RIMBP2: variants seen among roughly 807,000 people sequenced by gnomAD.
The protein encoded by RIMBP2 is RIMS-binding protein 2.
A neutral mutation model predicts 118.6 loss-of-function variants in RIMBP2; 48 were observed. That is an observed-to-expected ratio of 0.40 (90% CI 0.32 to 0.51). RIMBP2 has a LOEUF of 0.51. RIMBP2 is among the 20% of genes least tolerant of loss of function. RIMBP2 has a pLI of 0.41. For missense variants in RIMBP2, 1,551 were observed against 1,768.3 expected (o/e 0.88, Z 2.20); for synonymous variants, 762 against 742.9 (o/e 1.03, Z -0.42).
intron 4 of RIMBP2, among the ~76,000 whole-genome samples, chr12:130,493,479 T>C (rs991514856): frequency 3.9e-5 from 6 of 152,010 alleles, no homozygotes; most frequent in Admixed American, 3.9e-4. Context: ...CACGCCTGGT[T>C]AATTTTTGTA....
intron 2 of RIMBP2, among the ~76,000 whole-genome samples, chr12:130,627,836 T>C (rs1014167203): frequency 6.6e-6 from 1 of 152,222 alleles, no homozygotes; most frequent in Non-Finnish European, 1.5e-5. Context: ...TTGCCAGTCA[T>C]GTGGACTACA....
At chr12:130,462,083 C>A (rs948861525) in intron 6 of RIMBP2, among the ~76,000 whole-genome samples, 4 of 152,230 alleles carry the variant, frequency 2.6e-5, no homozygotes, top group Non-Finnish European at 4.4e-5. Context: ...CTCTGCACGA[C>A]AGCATGGTGA....
chr12:130,584,939 G>A (rs2140248308), intron 2 of RIMBP2, among the ~76,000 whole-genome samples: 1 of 152,114 alleles, frequency 6.6e-6, no homozygotes, highest in South Asian at 2.1e-4. Flanking sequence ...CACCCAGGCT[G>A]GAATGCAGTG....
At position 130,399,971 on chromosome 12, in the gene RIMBP2, A is replaced by G. The variant is rs142272566; in HGVS notation, c.3766-158T>C. Among the ~76,000 whole-genome samples the G allele has an allele frequency of 1.7e-3, 256 of 152,310 alleles. 1 individual carries two copies. Among genetic ancestry groups the G allele is most frequent in the African/African-American group, 5.7e-3 (237 of 41,568 alleles). ...AAAGGACTCTAAATCAGGGTTTCCA[A>G]ATTTTCCTCAGCAACATGCAGAGTC... is the stretch of plus-strand genomic sequence containing the variant. On this transcript the variant is annotated intron_variant, in intron 21 of 22. Transcript: ENST00000690449.
chr12:130,491,760 G>A (rs1439754967), intron 4 of RIMBP2, among the ~76,000 whole-genome samples: 2 of 152,238 alleles, frequency 1.3e-5, no homozygotes, highest in Non-Finnish European at 2.9e-5. Context: ...GGCACGTGCT[G>A]TCATTCATGG....
At chr12:130,529,442 C>T (rs544318934) in intron 2 of RIMBP2, among the ~76,000 whole-genome samples, 1 of 152,214 alleles carries the variant, frequency 6.6e-6, no homozygotes, top group East Asian at 1.9e-4. Context: ...AAAGCAGATT[C>T]GTGGCTGTCA....
intron 2 of RIMBP2, among the ~76,000 whole-genome samples, chr12:130,530,733 G>A (rs2053286601): frequency 6.6e-6 from 1 of 152,124 alleles, no homozygotes. Flanking sequence ...TTTTTCAAGA[G>A]CTGATTTATG....
chr12:130,396,693 A>T lies in RIMBP2; in HGVS notation c.*668T>A, dbSNP rs2074101388. Reference sequence around the variant, plus strand: ...TTGGAGTACTGGTGCTTTACCAAACAAAGTTACTTTCTCTCCTTTTCTCTT... The same window carrying T: ...TTGGAGTACTGGTGCTTTACCAAACTAAGTTACTTTCTCTCCTTTTCTCTT... On this transcript the variant is annotated 3_prime_UTR_variant, in exon 23 of 23. Transcript: ENST00000690449. 1 of 152,682 alleles carries T rather than the reference A, an allele frequency of 6.5e-6. No individual in the cohort carries two copies. The highest frequency in any genetic ancestry group is 2.4e-5 in the African/African-American group (1 of 41,472). The allele number at this position is 152,682 out of a possible 1,614,324, so 9.5% of individuals were successfully genotyped here.
chr12:130,573,508 G>A (rs929417625), intron 2 of RIMBP2, among the ~76,000 whole-genome samples: 10 of 152,228 alleles, frequency 6.6e-5, no homozygotes, highest in Non-Finnish European at 1.3e-4. Context: ...AGATATAGAC[G>A]TGATCAGAAA....
chr12:130,585,492 G>T (rs896116746), intron 2 of RIMBP2, among the ~76,000 whole-genome samples: 1 of 151,876 alleles, frequency 6.6e-6, no homozygotes, highest in African/African-American at 2.4e-5. Flanking sequence ...TGTGCCTGTA[G>T]TCCCAGCTAC....
intron 2 of RIMBP2, 60 bp downstream of exon 2, chr12:130,628,262 G>C (rs1293936897): frequency 1.3e-5 from 2 of 152,176 alleles, no homozygotes; most frequent in African/African-American, 4.8e-5. Flanking sequence ...TGAAAGAACA[G>C]ACACAGCCCC....
chr12:130,480,236 C>CACA (rs57955292), intron 4 of RIMBP2, among the ~76,000 whole-genome samples: 1 of 148,882 alleles, frequency 6.7e-6, no homozygotes, highest in African/African-American at 2.5e-5. Context: ...CACACACACA[C>CACA]CTGTGGTAAC....
intron 2 of RIMBP2, among the ~76,000 whole-genome samples, chr12:130,531,155 G>C (rs910441365): frequency 6.6e-6 from 1 of 152,196 alleles, no homozygotes; most frequent in Non-Finnish European, 1.5e-5. Context: ...TTCCTTTCCA[G>C]ATGGATTTTT....
In RIMBP2 at chr12:130,670,588, G is replaced by A. The variant is rs1335748705; in HGVS notation, c.-351-42132C>T. 6.6e-6 allele frequency among the ~76,000 whole-genome samples: 1 copy of A among 152,024 alleles called. No homozygotes were observed. The highest frequency in any genetic ancestry group is 2.4e-5 in the African/African-American group (1 of 41,388). On this transcript the variant is annotated intron_variant, in intron 1 of 22. Transcript: ENST00000690449. The surrounding 1 kb of genome is among the most constrained non-coding windows in gnomAD (Gnocchi z 4.9). Reference sequence around the variant, plus strand: ...AAAGTTTACACTTGTTCAGCACCATGAAGCCGCCAGTCCGACACCCATTCC... The same window carrying A: ...AAAGTTTACACTTGTTCAGCACCATAAAGCCGCCAGTCCGACACCCATTCC...
intron 2 of RIMBP2, among the ~76,000 whole-genome samples, chr12:130,613,244 G>A (rs925839382): frequency 6.6e-6 from 1 of 152,202 alleles, no homozygotes; most frequent in Admixed American, 6.5e-5. Flanking sequence ...ACAAGGCAGG[G>A]GACGCCGCCC....
intron 2 of RIMBP2, among the ~76,000 whole-genome samples, chr12:130,518,244 T>C (rs2051688399): frequency 6.6e-6 from 1 of 152,196 alleles, no homozygotes; most frequent in Non-Finnish European, 1.5e-5. Flanking sequence ...CCATCCTTTT[T>C]CCCGTGAACA....
intron 2 of RIMBP2, among the ~76,000 whole-genome samples, chr12:130,519,230 CGTGGTTTCA>C (rs1191973053): frequency 6.6e-6 from 1 of 152,228 alleles, no homozygotes; most frequent in Non-Finnish European, 1.5e-5. Context: ...CAAGAAATCA[CGTGGTTTCA>C]ACACTTCCCA....
intron 2 of RIMBP2, among the ~76,000 whole-genome samples, chr12:130,613,220 G>A (rs1272894668): frequency 6.6e-6 from 1 of 152,242 alleles, no homozygotes; most frequent in Non-Finnish European, 1.5e-5. Flanking sequence ...AGTGCTGGCG[G>A]GTTGCCGGGG....
chr12:130,447,257 G>T lies in RIMBP2; in HGVS notation c.582-1988C>A, dbSNP rs2078606483. On this transcript the variant is annotated intron_variant, in intron 9 of 22. Transcript: ENST00000690449. This position sits in a 1 kb window ranked among gnomAD's most constrained non-coding sequence, Gnocchi z 4.4. ...GGGAAGGTGAACACCGAGAAGGGTG[G>T]AAGAAGGTCCCTGGCTGGTAAGGGC... 1.3e-5 allele frequency among the ~76,000 whole-genome samples: 2 copies of T among 151,998 alleles called. No homozygotes were observed. Among genetic ancestry groups the T allele is most frequent in the African/African-American group, 4.8e-5 (2 of 41,382 alleles).
Sources: allele counts gnomAD v4.1 joint callset (sites outside exome capture counted in the v4.1 genomes callset), GRCh38; gene constraint gnomAD v4.1.1; non-coding constraint Gnocchi (gnomAD v3.1); transcripts MANE v1.5; gene names NCBI Gene and HGNC (gene_info 2026-07-23, HGNC 2026-07-21).